CD38: variants seen among roughly 807,000 people sequenced by gnomAD.
CD38 encodes the protein ADP-ribosyl cyclase/cyclic ADP-ribose hydrolase 1.
Under a neutral mutation model 36.3 loss-of-function variants are expected in CD38, and 31 were observed. That is an observed-to-expected ratio of 0.85 (90% confidence interval 0.64 to 1.15). The LOEUF (loss-of-function observed/expected upper bound fraction) is 1.15. Among genes scored for constraint, CD38 ranks in the 50% most tolerant of loss-of-function variants. CD38 has a pLI of 0.00. For synonymous variants in CD38, 131 were observed against 135.2 expected, an observed-to-expected ratio of 0.97 and a Z score of 0.22; for missense variants, 380 against 371.9, an observed-to-expected ratio of 1.02 and a Z score of -0.18.
At chr4:15,791,486 T>G (rs1447221408) in intron 1 of CD38, among the ~76,000 whole-genome samples, 5 of 26,734 alleles carry the variant, frequency 1.9e-4, no homozygotes, top group South Asian at 1.3e-3. Context: ...TGGGGGGGGG[T>G]CAGCCCCCCG....
At chr4:15,791,609 C>T (rs1310936154) in intron 1 of CD38, among the ~76,000 whole-genome samples, 3 of 101,938 alleles carry the variant, frequency 2.9e-5, no homozygotes, top group Non-Finnish European at 5.9e-5. Context: ...GCCAGCCGCC[C>T]CGTCCGGGAG....
At chr4:15,825,109 A>C (rs1723820530) in intron 3 of CD38, 93 bp downstream of exon 3, 1 of 1,317,654 alleles carries the variant, frequency 7.6e-7, no homozygotes, top group African/African-American at 1.5e-5. Context: ...TGTGGAGGAC[A>C]GAGCCACAGG....
chr4:15,791,835 A>G (rs1723004381), intron 1 of CD38, among the ~76,000 whole-genome samples: 1 of 86,118 alleles, frequency 1.2e-5, no homozygotes, highest in Non-Finnish European at 2.1e-5. Context: ...CAGCCGCCCT[A>G]TCCAGGAGGT....
Position 15,778,895 on chromosome 4 carries a change from T to A in CD38, c.233+248T>A, listed in dbSNP as rs940383546. Among the ~76,000 whole-genome samples the A allele has an allele frequency of 4.6e-5, 7 of 151,926 alleles. No individual in the cohort carries two copies. Among genetic ancestry groups the A allele is most frequent in the African/African-American group, 1.7e-4 (7 of 41,382 alleles). ...GGCGCTGCTCGGTGGCTCTGCTGCG[T>A]AGCCGGTGAACACTTGGCACCGATG... On this transcript the variant is annotated intron_variant, in intron 1 of 7. Transcript: ENST00000226279. The surrounding 1 kb of genome is among the most constrained non-coding windows in gnomAD (Gnocchi z 4.9).
At chr4:15,800,832 C>T (rs746628405) in intron 1 of CD38, among the ~76,000 whole-genome samples, 15 of 151,984 alleles carry the variant, frequency 9.9e-5, no homozygotes, top group East Asian at 5.8e-4. Flanking sequence ...TGATTGCCTA[C>T]GTCAAAAAAG....
At chr4:15,839,963 A>G in intron 5 of CD38, 63 bp from the exon 6 acceptor site, 4 of 1,071,836 alleles carry the variant, frequency 3.7e-6, no homozygotes, top group East Asian at 4.7e-5. Context: ...CTGGTTGTTG[A>G]GGGGGGTGTG....
At chr4:15,791,706 C>T (rs1199729757) in intron 1 of CD38, among the ~76,000 whole-genome samples, 116 of 74,986 alleles carry the variant, frequency 1.5e-3, no homozygotes, top group Middle Eastern at 9.1e-3. Context: ...GGCCAGCCGC[C>T]CCGTCCGGGA....
chr4:15,847,742 CTT>C (rs1210032706), intron 7 of CD38, among the ~76,000 whole-genome samples: 4 of 152,092 alleles, frequency 2.6e-5, no homozygotes, highest in African/African-American at 7.2e-5. Context: ...CCCCAATACT[CTT>C]TTACCTTTTT....
intron 1 of CD38, among the ~76,000 whole-genome samples, chr4:15,811,940 A>G (rs1417434759): frequency 6.6e-6 from 1 of 152,200 alleles, no homozygotes; most frequent in Non-Finnish European, 1.5e-5. Context: ...TCTTGCTTTT[A>G]AAAATGTTTG....
At chr4:15,842,094 AC>A in intron 7 of CD38, among the ~76,000 whole-genome samples, 1 of 126,624 alleles carries the variant, frequency 7.9e-6, no homozygotes, top group Non-Finnish European at 1.6e-5. Context: ...TGTAGGCTCC[AC>A]CTCTGGGGGC....
At chr4:15,795,211 TTA>T (rs1723081906) in intron 1 of CD38, among the ~76,000 whole-genome samples, 1 of 151,934 alleles carries the variant, frequency 6.6e-6, no homozygotes, top group Non-Finnish European at 1.5e-5. Flanking sequence ...AAATCAAGAA[TTA>T]GTTTCGTGTG....
chr4:15,850,183 C>T lies in CD38; in HGVS notation c.*1581C>T, dbSNP rs983895650. 2.6e-5 allele frequency: 4 copies of T among 152,188 alleles called. No homozygotes were observed. The East Asian group carries it at 7.7e-4, about 29-fold the overall frequency. The allele number at this position is 152,188 out of a possible 1,614,324, so 9.4% of individuals were successfully genotyped here. A position where few individuals can be genotyped will look rare whatever the true frequency, so the allele number is the denominator to read the frequency against. ...GTATGGTGTTGTGCACCTGTAGTCC[C>T]AGCTACTCTGGAGACTGAGGTGGGA... On this transcript the variant is annotated 3_prime_UTR_variant, in exon 8 of 8. Coordinates refer to ENST00000226279, the MANE Select transcript of CD38 (RefSeq NM_001775.4).
intron 1 of CD38, among the ~76,000 whole-genome samples, chr4:15,801,203 A>G (rs769189031): frequency 1.2e-4 from 19 of 152,028 alleles, no homozygotes; most frequent in Non-Finnish European, 2.5e-4. Flanking sequence ...GGCACCTACA[A>G]CCTACCAAGA....
intron 1 of CD38, among the ~76,000 whole-genome samples, chr4:15,804,520 C>T (rs190573862): frequency 1.3e-5 from 2 of 152,192 alleles, no homozygotes; most frequent in South Asian, 2.1e-4. Context: ...ATGGAATCCA[C>T]CGAAGTGTCT....
Position 15,824,980 on chromosome 4 carries a change from G to A in CD38, c.463G>A (p.Asp155Asn). The A allele has an allele frequency of 6.2e-7, 1 of 1,613,760 alleles. No individual in the cohort carries two copies. Among genetic ancestry groups the A allele is most frequent in the Non-Finnish European group, 8.5e-7 (1 of 1,179,860 alleles). ...GGACACGCTGCTAGGCTACCTTGCT[G>A]ATGACCTCACATGGTGTGGTGAATT... The part of the protein sequence containing the change: ...LEDTLLGYLA[D>N]DLTWCGEFNT... Residue 155 changes from aspartate (D) to asparagine (N), a missense_variant, in exon 3 of 8, where the codon GAT becomes AAT. Asp to Asn is a conservative substitution (Grantham distance 23). Transcript: ENST00000226279.
intron 1 of CD38, among the ~76,000 whole-genome samples, chr4:15,791,878 G>T (rs1723005844): frequency 1.1e-5 from 1 of 92,156 alleles, no homozygotes; most frequent in South Asian, 3.2e-4. Context: ...CCCCTACTGG[G>T]AAGTGAGGAG....
chr4:15,785,370 G>A (rs1393415918), intron 1 of CD38, among the ~76,000 whole-genome samples: 2 of 152,176 alleles, frequency 1.3e-5, no homozygotes, highest in Non-Finnish European at 2.9e-5. Context: ...TCAGGAGAGG[G>A]AGAAGAAGAT....
intron 1 of CD38, among the ~76,000 whole-genome samples, chr4:15,784,576 G>GA (rs1327049380): frequency 6.6e-6 from 1 of 152,216 alleles, no homozygotes; most frequent in East Asian, 1.9e-4. Context: ...TTTTGCACAG[G>GA]ACAGAATTCC....
chr4:15,787,722 G>A (rs1722873030), intron 1 of CD38, among the ~76,000 whole-genome samples: 2 of 152,216 alleles, frequency 1.3e-5, no homozygotes, highest in South Asian at 4.1e-4. Flanking sequence ...AGCGACAGAT[G>A]AAAGGAGTAC....
Sources: gnomAD v4.1 joint callset for allele counts (sites outside exome capture counted in the v4.1 genomes callset) on GRCh38, gnomAD v4.1.1 for gene constraint, Gnocchi (gnomAD v3.1) non-coding constraint, MANE v1.5 for transcripts, NCBI Gene and HGNC (gene_info 2026-07-23, HGNC 2026-07-21) for gene names.